The following HECTD2 variants were observed in gnomAD, a reference collection of about 807,000 sequenced individuals.
HECTD2 encodes HECT domain E3 ubiquitin protein ligase 2, also known as probable E3 ubiquitin-protein ligase HECTD2.
Under a neutral mutation model 103.2 loss-of-function variants are expected in HECTD2, and 35 were observed. The observed-to-expected ratio is 0.34, with a 90% CI of 0.26 to 0.45. HECTD2 has a LOEUF of 0.45. Ranked by LOEUF, HECTD2 falls within the 20% of genes least tolerant of loss-of-function variation. The pLI is 1.00. For synonymous variants in HECTD2, 281 were observed against 329.9 expected, an observed-to-expected ratio of 0.85 and a Z score of 1.61; for missense variants, 596 against 937.4, an observed-to-expected ratio of 0.64 and a Z score of 4.76.
chr10:91,456,882 GA>G (rs1641466180), intron 2 of HECTD2, among the ~76,000 whole-genome samples: 2 of 152,034 alleles, frequency 1.3e-5, no homozygotes, highest in Non-Finnish European at 2.9e-5. Flanking sequence ...GAAAAATTGA[GA>G]AAATCAATGA....
intron 12 of HECTD2, 70 bp from the exon 13 acceptor site, chr10:91,492,282 C>G (rs949769506): frequency 7.0e-7 from 1 of 1,421,534 alleles, no homozygotes; most frequent in African/African-American, 1.4e-5. Context: ...ACACATTTCC[C>G]AGAATTAAAA....
intron 1 of HECTD2, among the ~76,000 whole-genome samples, chr10:91,420,629 A>G (rs187232311): frequency 6.6e-6 from 1 of 152,122 alleles, no homozygotes; most frequent in African/African-American, 2.4e-5. Flanking sequence ...TCAGTCTACT[A>G]TGCCTCCTTT....
chr10:91,461,167 T>C, intron 3 of HECTD2, 87 bp from the exon 4 acceptor site: 1 of 617,252 alleles, frequency 1.6e-6, no homozygotes, highest in Middle Eastern at 3.3e-4. Context: ...TATTTTGTAT[T>C]GCATGTTTGG....
intron 15 of HECTD2, among the ~76,000 whole-genome samples, chr10:91,497,307 G>A (rs1242271682): frequency 1.1e-5 from 1 of 94,996 alleles, no homozygotes; most frequent in Non-Finnish European, 1.9e-5. Context: ...TTTTTTTTCT[G>A]CCCAAGACAG....
At chr10:91,460,286 G>T in intron 2 of HECTD2, 141 bp from the exon 3 acceptor site, 1 of 706,376 alleles carries the variant, frequency 1.4e-6, no homozygotes, top group South Asian at 2.3e-5. Flanking sequence ...CCTTCACTAT[G>T]GTTGGTTTTT....
chr10:91,493,340 AG>A, intron 13 of HECTD2, 79 bp from the exon 14 acceptor site: 1 of 611,814 alleles, frequency 1.6e-6, no homozygotes, highest in South Asian at 3.2e-5. Context: ...CTAATAGATG[AG>A]ATGTCATGTA....
intron 2 of HECTD2, among the ~76,000 whole-genome samples, chr10:91,460,223 C>T (rs1318616995): frequency 6.6e-6 from 1 of 152,060 alleles, no homozygotes; most frequent in Admixed American, 6.5e-5. Flanking sequence ...ATGTAAGATA[C>T]AGCCTAATAT....
intron 2 of HECTD2, among the ~76,000 whole-genome samples, chr10:91,426,377 C>G (rs1201826455): frequency 6.6e-6 from 1 of 151,994 alleles, no homozygotes; most frequent in East Asian, 1.9e-4. Context: ...TATTTAAGGA[C>G]ATAGTTTCTG....
chr10:91,508,559 C>A (rs913108968), intron 20 of HECTD2, among the ~76,000 whole-genome samples: 3 of 150,360 alleles, frequency 2.0e-5, no homozygotes, highest in African/African-American at 7.4e-5. Flanking sequence ...AAATGCAAAT[C>A]AAAACCACAA....
At chr10:91,451,124 A>G (rs1470352407) in intron 2 of HECTD2, among the ~76,000 whole-genome samples, 1 of 152,184 alleles carries the variant, frequency 6.6e-6, no homozygotes, top group Admixed American at 6.5e-5. Context: ...ACCAACCCAA[A>G]TGCCCGTCAA....
chr10:91,459,492 T>C lies in HECTD2; in HGVS notation c.269-935T>C, dbSNP rs561548455. Among the ~76,000 whole-genome samples, 270 of 152,124 alleles carry C rather than the reference T, an allele frequency of 1.8e-3. 2 individuals are homozygous for C. Among genetic ancestry groups the C allele is most frequent in the Non-Finnish European group, 3.2e-3 (216 of 67,906 alleles). Reference sequence around the variant, plus strand: ...CAAATAGTGGAATACTATTAAGCAATAAAAATGAACTATCTGTATATGCAA... The same window carrying C: ...CAAATAGTGGAATACTATTAAGCAACAAAAATGAACTATCTGTATATGCAA... On this transcript the variant is annotated intron_variant, in intron 2 of 20. Coordinates refer to ENST00000298068, the MANE Select transcript of HECTD2 (RefSeq NM_182765.6).
At chr10:91,502,413 AAT>A (rs1265442941) in intron 20 of HECTD2, among the ~76,000 whole-genome samples, 1 of 152,212 alleles carries the variant, frequency 6.6e-6, no homozygotes, top group Non-Finnish European at 1.5e-5. Flanking sequence ...GAGTTTCTCA[AAT>A]ATCTTGTAGA....
At chr10:91,501,154 A>C (rs1846885899) in intron 19 of HECTD2, 37 bp from the exon 20 acceptor site, 1 of 1,580,834 alleles carries the variant, frequency 6.3e-7, no homozygotes. Context: ...GATTTTTGTC[A>C]AGACATTTGA....
intron 1 of HECTD2, among the ~76,000 whole-genome samples, chr10:91,415,616 A>G (rs1843095245): frequency 6.6e-6 from 1 of 152,200 alleles, no homozygotes. Context: ...TGGTTGCTTT[A>G]TAACAGAGAT....
intron 8 of HECTD2, 46 bp from the exon 9 acceptor site, chr10:91,484,461 T>G (rs1564729555): frequency 6.3e-7 from 1 of 1,579,774 alleles, no homozygotes; most frequent in Non-Finnish European, 8.6e-7. Flanking sequence ...ATTTTGGAAA[T>G]AGAAAATGTG....
At chr10:91,460,379 G>T in intron 2 of HECTD2, 48 bp from the exon 3 acceptor site, 2 of 1,407,708 alleles carry the variant, frequency 1.4e-6, no homozygotes, top group African/African-American at 1.5e-5. Context: ...TTATAATTTT[G>T]AAAAGTTTAA....
intron 2 of HECTD2, among the ~76,000 whole-genome samples, chr10:91,426,909 T>G (rs1452646441): frequency 2.6e-5 from 4 of 151,458 alleles, no homozygotes; most frequent in African/African-American, 4.9e-5. Flanking sequence ...TGCAGGTTAG[T>G]TACATATGTA....
intron 4 of HECTD2, among the ~76,000 whole-genome samples, chr10:91,461,651 C>T (rs2133204628): frequency 6.6e-6 from 1 of 152,172 alleles, no homozygotes; most frequent in East Asian, 1.9e-4. Flanking sequence ...TGGGTTCATG[C>T]AATTCTTGTG....
intron 2 of HECTD2, 80 bp from the exon 3 acceptor site, chr10:91,460,347 C>T (rs11186575): frequency 0.046 from 52,686 of 1,134,104 alleles, 3,103 homozygotes; most frequent in African/African-American, 0.27. Flanking sequence ...GTTTTCTGTT[C>T]ATGTTGAATT....
Sources: gnomAD v4.1 joint callset for allele counts (sites outside exome capture counted in the v4.1 genomes callset) on GRCh38, gnomAD v4.1.1 for gene constraint, MANE v1.5 for transcripts, NCBI Gene and HGNC (gene_info 2026-07-23, HGNC 2026-07-21) for gene names.